The following TUBE1 variants were observed in gnomAD, a reference collection of about 807,000 sequenced individuals.
TUBE1 encodes the protein tubulin epsilon chain.
A neutral mutation model predicts 53.5 loss-of-function variants in TUBE1; 34 were observed. The observed-to-expected ratio is 0.64, with a 90% CI of 0.48 to 0.85. TUBE1 has a LOEUF of 0.85. Among genes scored for constraint, TUBE1 ranks in the 40% least tolerant of loss-of-function variants. The pLI, the probability that TUBE1 is intolerant of heterozygous loss-of-function variation, is 0.00. For missense variants in TUBE1, 532 were observed against 570.5 expected (o/e 0.93, Z 0.69); for synonymous variants, 177 against 198.4 (o/e 0.89, Z 0.91).
At chr6:112,072,975 T>G in intron 9 of TUBE1, 77 bp from the exon 10 acceptor site, 1 of 1,401,658 alleles carries the variant, frequency 7.1e-7, no homozygotes, top group African/African-American at 1.4e-5. Context: ...AAGATAGTCC[T>G]CTATAAGTAA....
intron 3 of TUBE1, chr6:112,085,399 G>A (rs1383356706): frequency 8.3e-6 from 2 of 240,746 alleles, no homozygotes; most frequent in Non-Finnish European, 8.4e-6. Context: ...GTGTAGTTAT[G>A]AAGAGTCACC....
intron 5 of TUBE1, 98 bp downstream of exon 5, chr6:112,080,994 C>T (rs1012648053): frequency 3.5e-4 from 259 of 744,728 alleles, no homozygotes; most frequent in Non-Finnish European, 8.0e-5. Flanking sequence ...CATTATGTGG[C>T]AAATTACATC....
chr6:112,079,108 T>C (rs782463355), intron 6 of TUBE1, among the ~76,000 whole-genome samples: 20 of 152,202 alleles, frequency 1.3e-4, no homozygotes, highest in Non-Finnish European at 2.2e-4. Flanking sequence ...AGTTGATTAA[T>C]TGCCATGTAA....
rs933315645 is a variant in TUBE1, at chr6:112,080,383, A to G, written c.327-629T>C. Among the ~76,000 whole-genome samples the G allele has an allele frequency of 2.0e-5, 3 of 152,222 alleles. No individual in the cohort carries two copies. In the East Asian group the frequency reaches 5.8e-4, roughly 29 times the overall value. On this transcript the variant is annotated intron_variant, in intron 5 of 11. Coordinates refer to ENST00000368662, the MANE Select transcript of TUBE1 (RefSeq NM_016262.5). The stretch of plus-strand genomic sequence containing the variant: ...TCAGGTATAACTCAAAAGTTACATA[A>G]TAAGTTATACAACAATTAGTAAAAA...
chr6:112,087,115 C>T, intron 2 of TUBE1, 118 bp downstream of exon 2: 2 of 856,860 alleles, frequency 2.3e-6, no homozygotes, highest in South Asian at 3.5e-5. Context: ...ACGTTCTTTA[C>T]TGGGAAGATC....
Position 112,084,206 on chromosome 6 carries a change from A to T in TUBE1, c.193T>A (p.Cys65Ser), listed in dbSNP as rs141844356. Residue 65 changes from cysteine to serine, a missense_variant, in exon 4 of 12, where the codon TGT becomes AGT. Coordinates refer to ENST00000368662, the MANE Select transcript of TUBE1 (RefSeq NM_016262.5). Reference protein sequence around the residue: ...DGGSISKGKICSLKARAVLID... With the variant: ...DGGSISKGKISSLKARAVLID... The stretch of plus-strand genomic sequence containing the variant: ...TATCTTACTCGTGCTTTTAAAGAAC[A>T]TATTTTTCCCTTGGAAATACTTCCA... 33 of 1,612,976 alleles carry T rather than the reference A, an allele frequency of 2.0e-5. No individual in the cohort carries two copies. The African/African-American group carries it at 4.1e-4, about 20-fold the overall frequency.
chr6:112,073,123 G>GA (rs11445316), intron 9 of TUBE1, among the ~76,000 whole-genome samples: 49,109 of 151,700 alleles, frequency 0.32, 8,754 homozygotes, highest in African/African-American at 0.49. Flanking sequence ...TTTTCTGGGG[G>GA]AAAAGGCTTC....
At position 112,079,638 on chromosome 6, in the gene TUBE1, C is replaced by G. The variant is rs782468172; in HGVS notation, c.443G>C (p.Gly148Ala). Residue 148 changes from glycine to alanine, a missense_variant, in exon 6 of 12, where the codon GGA (glycine) becomes GCA (alanine). Gly to Ala is a moderately conservative substitution (Grantham distance 60). Coordinates refer to ENST00000368662, the MANE Select transcript of TUBE1 (RefSeq NM_016262.5). ...AAATGAGTGAAAAATTTTACCTCCT[C>G]CCATGGAATGTATTATAAAGAAACA... ...LQCFFIIHSM[G>A]GGTGSGLGTF... The G allele has an allele frequency of 1.9e-6, 3 of 1,611,498 alleles. No homozygotes were observed. The Admixed American group carries it at 5.0e-5, about 27-fold the overall frequency.
chr6:112,084,355 G>A (rs1456073153), intron 3 of TUBE1, 109 bp from the exon 4 acceptor site: 1 of 850,674 alleles, frequency 1.2e-6, no homozygotes, highest in East Asian at 2.5e-5. Context: ...TATAGGCCAG[G>A]TAAGGCAGAC....
intron 8 of TUBE1, 56 bp from the exon 9 acceptor site, chr6:112,074,906 A>C (rs1776932806): frequency 8.0e-7 from 1 of 1,244,324 alleles, no homozygotes; most frequent in Admixed American, 2.9e-5. Context: ...ATACACTTTA[A>C]ATGTAGCTCG....
chr6:112,079,421 T>TAAAAAAAAAAA (rs60207053), intron 6 of TUBE1: 1 of 296,190 alleles, frequency 3.4e-6, no homozygotes. Context: ...GGGCTTACAT[T>TAAAAAAAAAAA]AAAAAAAAAA....
At position 112,076,101 on chromosome 6, in the gene TUBE1, G is replaced by A. The variant is rs951953091; in HGVS notation, c.648C>T (p.Asp216=). Residue 216 remains aspartate, a synonymous_variant, in exon 8 of 12, where the codon GAC becomes GAT. Transcript: ENST00000368662. The part of the protein sequence containing the change: ...VLPIDNQSLF[D]IISKIDLMVN... ...CCATGAGGTCGATTTTGCTAATGAT[G>A]TCAAATAAAGACTTTTGAGGGAAAA... The A allele has an allele frequency of 1.9e-6, 3 of 1,611,630 alleles. No homozygotes were observed. Among genetic ancestry groups the A allele is most frequent in the Non-Finnish European group, 2.5e-6 (3 of 1,178,836 alleles).
At chr6:112,073,627 T>A (rs138703410) in intron 9 of TUBE1, among the ~76,000 whole-genome samples, 30 of 152,304 alleles carry the variant, frequency 2.0e-4, no homozygotes, top group African/African-American at 6.3e-4. Context: ...GTCCTATCTA[T>A]TAGTTGGCAA....
At chr6:112,080,491 A>G (rs898310044) in intron 5 of TUBE1, among the ~76,000 whole-genome samples, 9 of 152,106 alleles carry the variant, frequency 5.9e-5, no homozygotes, top group African/African-American at 2.2e-4. Flanking sequence ...CCTTAGTAAA[A>G]TTACATATTA....
intron 6 of TUBE1, chr6:112,077,601 T>C (rs1452229450): frequency 3.9e-5 from 6 of 152,036 alleles, no homozygotes; most frequent in African/African-American, 1.4e-4. Flanking sequence ...ACTATTCTGG[T>C]TAAAAAAAAC....
chr6:112,073,530 C>T (rs1303381018), intron 9 of TUBE1, among the ~76,000 whole-genome samples: 1 of 152,076 alleles, frequency 6.6e-6, no homozygotes, highest in Admixed American at 6.6e-5. Flanking sequence ...AGGCTGATGC[C>T]AATGGACATT....
Position 112,074,865 on chromosome 6 carries a change from TTA to T in TUBE1, c.813-17_813-16del. 1 of 1,546,036 alleles carries T rather than the reference TTA, an allele frequency of 6.5e-7. No individual in the cohort carries two copies. Among genetic ancestry groups the T allele is most frequent in the Non-Finnish European group, 8.7e-7 (1 of 1,150,376 alleles). On this transcript the variant is annotated splice_polypyrimidine_tract_variant and intron_variant, in intron 8 of 11. Transcript: ENST00000368662. Reference sequence around the variant, plus strand: ...ATCTTGCAGAGCTAAAAAGTTAACATTAAAATGAGAAAATTTTTAATTTTAAA... The same window carrying T: ...ATCTTGCAGAGCTAAAAAGTTAACATAAATGAGAAAATTTTTAATTTTAAA...
intron 5 of TUBE1, among the ~76,000 whole-genome samples, 182 bp downstream of exon 5, chr6:112,080,910 T>C (rs1554316681): frequency 6.6e-6 from 1 of 152,150 alleles, no homozygotes; most frequent in African/African-American, 2.4e-5. Context: ...TTTAAAAAAG[T>C]TAGAAAGAAC....
chr6:112,075,794 G>T, intron 8 of TUBE1, 143 bp downstream of exon 8: 1 of 697,968 alleles, frequency 1.4e-6, no homozygotes, highest in Non-Finnish European at 2.2e-6. Flanking sequence ...AATTCTGCGT[G>T]ATCACTCCAA....
Sources: allele counts gnomAD v4.1 joint callset (sites outside exome capture counted in the v4.1 genomes callset), GRCh38; gene constraint gnomAD v4.1.1; transcripts MANE v1.5; gene names NCBI Gene and HGNC (gene_info 2026-07-23, HGNC 2026-07-21).